The following SPON1 variants were observed in gnomAD, a reference collection of about 807,000 sequenced individuals.
SPON1 encodes spondin-1.
A neutral mutation model predicts 111.7 loss-of-function variants in SPON1; 52 were observed. That is an observed-to-expected ratio of 0.47 (90% CI 0.37 to 0.59). The LOEUF is 0.59. SPON1 is among the 20% of genes least tolerant of loss of function. The pLI is 0.00. For missense variants in SPON1, 957 were observed against 1,068.5 expected (o/e 0.90, Z 1.46); for synonymous variants, 410 against 395.8 (o/e 1.04, Z -0.43).
At chr11:14,066,868 C>A (rs1186867388) in intron 3 of SPON1, among the ~76,000 whole-genome samples, 1 of 152,114 alleles carries the variant, frequency 6.6e-6, no homozygotes, top group African/African-American at 2.4e-5. Context: ...GGCATCCCTG[C>A]CCCTCACTCC....
At chr11:14,164,050 C>T (rs1554931662) in intron 6 of SPON1, among the ~76,000 whole-genome samples, 2 of 152,168 alleles carry the variant, frequency 1.3e-5, no homozygotes, top group African/African-American at 4.8e-5. Context: ...ATCATGACTT[C>T]TGGAAAAACT....
chr11:13,980,953 T>G (rs1451421655), intron 1 of SPON1, among the ~76,000 whole-genome samples: 3 of 152,190 alleles, frequency 2.0e-5, no homozygotes, highest in Non-Finnish European at 4.4e-5. Context: ...GAGAGCTGAA[T>G]TAGAAGATAC....
chr11:14,010,103 A>G lies in SPON1; in HGVS notation c.345+27150A>G, dbSNP rs186984229. On this transcript the variant is annotated intron_variant, in intron 2 of 15. Coordinates refer to ENST00000576479, the MANE Select transcript of SPON1 (RefSeq NM_006108.4). ...GAACAAATGAAGGGATAATGGAATA[A>G]TGGCAAGGCTGAGATCAGTTGCAGG... Among the ~76,000 whole-genome samples the G allele has an allele frequency of 3.1e-4, 47 of 152,322 alleles. No individual in the cohort carries two copies. The East Asian group carries it at 6.2e-3, about 20-fold the overall frequency.
chr11:14,115,848 A>G (rs1462603864), intron 5 of SPON1, among the ~76,000 whole-genome samples: 1 of 152,192 alleles, frequency 6.6e-6, no homozygotes, highest in Non-Finnish European at 1.5e-5. Context: ...AAATACAGCT[A>G]AACAATTTTC....
At chr11:14,043,484 G>A (rs1554917530) in intron 3 of SPON1, among the ~76,000 whole-genome samples, 1 of 152,186 alleles carries the variant, frequency 6.6e-6, no homozygotes, top group Admixed American at 6.5e-5. Flanking sequence ...AGGGGTCAGA[G>A]TACTATGGTC....
intron 2 of SPON1, among the ~76,000 whole-genome samples, chr11:13,991,429 T>C (rs1332400764): frequency 1.3e-5 from 2 of 152,192 alleles, no homozygotes; most frequent in Non-Finnish European, 2.9e-5. Flanking sequence ...CTCCATCAGG[T>C]CATTTATGTT....
At chr11:14,013,220 A>C (rs1591350732) in intron 2 of SPON1, among the ~76,000 whole-genome samples, 1 of 152,196 alleles carries the variant, frequency 6.6e-6, no homozygotes, top group Non-Finnish European at 1.5e-5. Flanking sequence ...TATGTGGATT[A>C]TTGAATAGAT....
intron 6 of SPON1, among the ~76,000 whole-genome samples, chr11:14,172,067 G>A (rs1409830093): frequency 1.3e-5 from 2 of 152,120 alleles, no homozygotes; most frequent in Non-Finnish European, 2.9e-5. Context: ...CTGTCTCGTT[G>A]ATCTGTCTAA....
At chr11:14,263,231 A>AAAAT (rs1402108446) in intron 15 of SPON1, among the ~76,000 whole-genome samples, 1 of 152,176 alleles carries the variant, frequency 6.6e-6, no homozygotes, top group African/African-American at 2.4e-5. Context: ...TTACCTGCCA[A>AAAAT]AAATAAATTT....
intron 5 of SPON1, among the ~76,000 whole-genome samples, chr11:14,128,486 T>A (rs1554927226): frequency 6.6e-6 from 1 of 152,250 alleles, no homozygotes. Context: ...CCCGAGGCCT[T>A]GGGCAGCTCC....
chr11:13,979,536 G>A (rs751867421), intron 1 of SPON1, among the ~76,000 whole-genome samples: 1 of 152,278 alleles, frequency 6.6e-6, no homozygotes, highest in Non-Finnish European at 1.5e-5. Context: ...CAACTGGGAA[G>A]GTGTCCTGCC....
intron 6 of SPON1, among the ~76,000 whole-genome samples, chr11:14,209,366 C>A (rs1848549782): frequency 6.6e-6 from 1 of 151,212 alleles, no homozygotes; most frequent in Non-Finnish European, 1.5e-5. Context: ...CACCCATCAA[C>A]CCATCATCTA....
intron 3 of SPON1, among the ~76,000 whole-genome samples, chr11:14,063,062 T>C (rs1848803785): frequency 6.6e-6 from 1 of 152,176 alleles, no homozygotes; most frequent in African/African-American, 2.4e-5. Flanking sequence ...AGGTTTTAAG[T>C]GTTTTCAAGG....
At chr11:14,094,675 A>G (rs1428417354) in intron 5 of SPON1, among the ~76,000 whole-genome samples, 5 of 152,206 alleles carry the variant, frequency 3.3e-5, no homozygotes, top group African/African-American at 7.2e-5. Context: ...TTCTGAATAA[A>G]TAGTGTGGAA....
At chr11:14,143,545 A>T (rs1554929014) in intron 6 of SPON1, among the ~76,000 whole-genome samples, 1 of 148,144 alleles carries the variant, frequency 6.8e-6, no homozygotes, top group Non-Finnish European at 1.5e-5. Context: ...TGGGCGACAG[A>T]GTCAGACCCT....
chr11:13,994,519 GA>G (rs1188007998), intron 2 of SPON1, among the ~76,000 whole-genome samples: 2 of 152,150 alleles, frequency 1.3e-5, no homozygotes, highest in Admixed American at 1.3e-4. Context: ...CCACTGATGT[GA>G]AGGGAAACAG....
At chr11:14,081,862 G>C (rs1163135787) in intron 5 of SPON1, among the ~76,000 whole-genome samples, 1 of 152,078 alleles carries the variant, frequency 6.6e-6, no homozygotes, top group African/African-American at 2.4e-5. Context: ...GACAAATCAA[G>C]AGCTCTATTG....
intron 2 of SPON1, among the ~76,000 whole-genome samples, chr11:14,032,844 C>T (rs1486999443): frequency 6.6e-6 from 1 of 152,164 alleles, no homozygotes; most frequent in African/African-American, 2.4e-5. Context: ...TTCAGTGCCC[C>T]CTATACTCCC....
chr11:14,206,157 T>C (rs1848514943), intron 6 of SPON1, among the ~76,000 whole-genome samples: 1 of 152,172 alleles, frequency 6.6e-6, no homozygotes, highest in African/African-American at 2.4e-5. Context: ...TCATAAATAT[T>C]TTTCCAGTAT....
Sources: allele counts gnomAD v4.1 joint callset (sites outside exome capture counted in the v4.1 genomes callset), GRCh38; gene constraint gnomAD v4.1.1; transcripts MANE v1.5; gene names NCBI Gene and HGNC (gene_info 2026-07-23, HGNC 2026-07-21).